GABRB2: variants seen among roughly 807,000 people sequenced by gnomAD.
GABRB2 encodes gamma-aminobutyric acid receptor subunit beta-2.
A neutral mutation model predicts 54.7 loss-of-function variants in GABRB2; 16 were observed. That is an observed-to-expected ratio of 0.29 (90% CI 0.20 to 0.44). The LOEUF (loss-of-function observed/expected upper bound fraction) is 0.44, where lower values mean the gene tolerates loss of function less well. GABRB2 is among the 20% of genes least tolerant of loss of function. GABRB2 has a pLI of 1.00. For synonymous variants in GABRB2, 244 were observed against 233.8 expected (o/e 1.04, Z -0.40); for missense variants, 355 against 644.0 (o/e 0.55, Z 4.86).
chr5:161,455,881 C>T lies in GABRB2; in HGVS notation c.458+3743G>A, dbSNP rs142584680. On this transcript the variant is annotated intron_variant, in intron 4 of 9. Coordinates refer to ENST00000393959, the MANE Select transcript of GABRB2 (RefSeq NM_001371727.1). ...AGCTGAAAGAACAATACAATGAACA[C>T]TTACATACCTACCGTTAAATTCAAT... Among the ~76,000 whole-genome samples, 113 of 152,276 alleles carry T rather than the reference C, an allele frequency of 7.4e-4. 1 individual carries two copies. The East Asian group carries it at 0.019, about 25-fold the overall frequency.
intron 5 of GABRB2, among the ~76,000 whole-genome samples, chr5:161,341,952 TATATATATATATATATAC>T (rs1554094657): frequency 0.041 from 3,130 of 76,556 alleles, 81 homozygotes; most frequent in Non-Finnish European, 0.071. Flanking sequence ...TATATATATA[TATATATATATATATATAC>T]ATACTTTATT....
rs570959489 is a variant in GABRB2, at chr5:161,540,327, CA to C, written c.237+4899del. 1.7e-3 allele frequency among the ~76,000 whole-genome samples: 260 copies of C among 152,344 alleles called. 1 individual carries two copies. Among genetic ancestry groups the C allele is most frequent in the African/African-American group, 6.0e-3 (248 of 41,572 alleles). On this transcript the variant is annotated intron_variant, in intron 3 of 9. Coordinates refer to ENST00000393959, the MANE Select transcript of GABRB2 (RefSeq NM_001371727.1). ...GCTCATCCTTAAGAAGCAACTTGTG[CA>C]TTGAAGTTTGATCATGAGATTGCAG...
intron 3 of GABRB2, among the ~76,000 whole-genome samples, chr5:161,480,165 C>T (rs1373694563): frequency 6.6e-6 from 1 of 151,832 alleles, no homozygotes; most frequent in Non-Finnish European, 1.5e-5. Flanking sequence ...ATGACACAGC[C>T]CCCAAAATGG....
At chr5:161,390,391 T>G (rs1417429996) in intron 5 of GABRB2, among the ~76,000 whole-genome samples, 1 of 151,946 alleles carries the variant, frequency 6.6e-6, no homozygotes, top group East Asian at 1.9e-4. Flanking sequence ...AGCAAAAATT[T>G]CTCAGAAAGA....
chr5:161,356,428 G>C (rs1754629885), intron 5 of GABRB2, among the ~76,000 whole-genome samples: 1 of 152,142 alleles, frequency 6.6e-6, no homozygotes. Flanking sequence ...ATTGGGCACT[G>C]CTCCCCTCCA....
chr5:161,330,022 G>A (rs1753783556), intron 8 of GABRB2: 1 of 152,082 alleles, frequency 6.6e-6, no homozygotes, highest in South Asian at 2.1e-4. Flanking sequence ...AATAACTTGG[G>A]GAACTTTTTA....
intron 4 of GABRB2, among the ~76,000 whole-genome samples, chr5:161,458,275 T>C (rs1380172969): frequency 6.6e-6 from 1 of 152,186 alleles, no homozygotes; most frequent in Admixed American, 6.5e-5. Context: ...TTCAGTAGAA[T>C]CTTTTCAGAC....
intron 3 of GABRB2, among the ~76,000 whole-genome samples, chr5:161,515,583 C>T (rs1581050340): frequency 6.6e-6 from 1 of 151,974 alleles, no homozygotes; most frequent in East Asian, 1.9e-4. Context: ...TTCCTTTAAA[C>T]GTCACTGAAT....
chr5:161,440,700 A>T (rs1757445255), intron 4 of GABRB2, among the ~76,000 whole-genome samples: 1 of 152,166 alleles, frequency 6.6e-6, no homozygotes, highest in African/African-American at 2.4e-5. Context: ...GAGGAATCAC[A>T]TTACTTGACT....
At chr5:161,336,110 G>A (rs1266773983) in intron 6 of GABRB2, among the ~76,000 whole-genome samples, 1 of 152,120 alleles carries the variant, frequency 6.6e-6, no homozygotes, top group Non-Finnish European at 1.5e-5. Context: ...AGATGGCAAA[G>A]GCCTCGGGAT....
intron 9 of GABRB2, 63 bp from the exon 10 acceptor site, chr5:161,294,491 C>T (rs996991875): frequency 5.7e-6 from 8 of 1,406,020 alleles, no homozygotes; most frequent in South Asian, 1.2e-5. Context: ...GCTTACTAGG[C>T]AAGGCACTAT....
chr5:161,531,564 T>TTGCA (rs914975104), intron 3 of GABRB2, among the ~76,000 whole-genome samples: 1 of 152,038 alleles, frequency 6.6e-6, no homozygotes, highest in African/African-American at 2.4e-5. Flanking sequence ...ACTCTAGAGG[T>TTGCA]TGCAAGGTAG....
chr5:161,423,100 A>T (rs1266450374), intron 4 of GABRB2, among the ~76,000 whole-genome samples: 1 of 151,936 alleles, frequency 6.6e-6, no homozygotes, highest in Admixed American at 6.6e-5. Flanking sequence ...CAGTTTTTTA[A>T]TTGTAAATTA....
At chr5:161,356,265 T>A (rs995336741) in intron 5 of GABRB2, among the ~76,000 whole-genome samples, 1 of 152,222 alleles carries the variant, frequency 6.6e-6, no homozygotes, top group Non-Finnish European at 1.5e-5. Context: ...AGAATAATTC[T>A]ATTTATTTTT....
chr5:161,325,686 A>G (rs1212152712), intron 9 of GABRB2, among the ~76,000 whole-genome samples: 2 of 152,138 alleles, frequency 1.3e-5, no homozygotes, highest in African/African-American at 4.8e-5. Context: ...TCCTCCTTCA[A>G]TTTGGAGGGC....
intron 4 of GABRB2, among the ~76,000 whole-genome samples, chr5:161,420,916 G>A (rs996658974): frequency 1.3e-5 from 2 of 151,964 alleles, no homozygotes; most frequent in Admixed American, 6.6e-5. Context: ...GGGATTTTGG[G>A]GTTAAGGGAA....
chr5:161,446,938 A>G (rs1304724836), intron 4 of GABRB2, among the ~76,000 whole-genome samples: 1 of 151,938 alleles, frequency 6.6e-6, no homozygotes, highest in Non-Finnish European at 1.5e-5. Context: ...GTATTGATAC[A>G]TAATAAGAAT....
Position 161,294,405 on chromosome 5 carries a change from T to C in GABRB2, c.1215A>G (p.Leu405=). The change falls in exon 10 of 10, where the codon TTA becomes TTG. Residue 405 remains leucine (L), a synonymous_variant. Transcript: ENST00000393959. The part of the protein sequence containing the change: ...LYTMDPHENI[L]LSTLEIKNEM... Reference sequence around the variant, plus strand: ...CATTTTTTATCTCGAGAGTGCTCAGTAAGATGTTCTCATGGGGGTCCATCT... The same window carrying C: ...CATTTTTTATCTCGAGAGTGCTCAGCAAGATGTTCTCATGGGGGTCCATCT... 6.2e-7 allele frequency: 1 copy of C among 1,613,364 alleles called. No homozygotes were observed. The highest frequency in any genetic ancestry group is 8.5e-7 in the Non-Finnish European group (1 of 1,179,408).
chr5:161,320,227 A>G (rs1027252753), intron 9 of GABRB2, among the ~76,000 whole-genome samples: 1 of 151,836 alleles, frequency 6.6e-6, no homozygotes, highest in East Asian at 1.9e-4. Flanking sequence ...AGTTTTTAAA[A>G]TTACTTGCTA....
Sources: allele counts gnomAD v4.1 joint callset (sites outside exome capture counted in the v4.1 genomes callset), GRCh38; gene constraint gnomAD v4.1.1; transcripts MANE v1.5; gene names NCBI Gene and HGNC (gene_info 2026-07-23, HGNC 2026-07-21).